Variants in FBN1 observed in about 807,000 individuals in gnomAD.
FBN1 encodes the protein fibrillin 1.
FBN1 carries 29 observed loss-of-function variants against 365.1 expected under a neutral mutation model. That is an observed-to-expected ratio of 0.08 (90% CI 0.06 to 0.11). The LOEUF is 0.11. Ranked by LOEUF, FBN1 falls within the 10% of genes least tolerant of loss-of-function variation. The pLI is 1.00. For synonymous variants in FBN1, 1,210 were observed against 1,270.5 expected (o/e 0.95, Z 1.01); for missense variants, 2,476 against 3,703.2 (o/e 0.67, Z 8.60).
chr15:48,505,212 C>G (rs548819448), intron 15 of FBN1, 65 bp from the exon 16 acceptor site: 3 of 1,596,222 alleles, frequency 1.9e-6, no homozygotes, highest in South Asian at 2.2e-5. Flanking sequence ...AACATGTTGA[C>G]AATTATGTTT....
At chr15:48,554,297 C>A (rs2044163823) in intron 6 of FBN1, among the ~76,000 whole-genome samples, 1 of 152,124 alleles carries the variant, frequency 6.6e-6, no homozygotes, top group Non-Finnish European at 1.5e-5. Flanking sequence ...CTCATTTTTG[C>A]CCTCTTGCTC....
chr15:48,623,383 C>T (rs1446603177), intron 2 of FBN1, among the ~76,000 whole-genome samples: 1 of 152,236 alleles, frequency 6.6e-6, no homozygotes, highest in East Asian at 1.9e-4. Context: ...GATTATTTCA[C>T]TGACATGCCT....
At chr15:48,561,713 G>T (rs1419695520) in intron 6 of FBN1, among the ~76,000 whole-genome samples, 4 of 152,126 alleles carry the variant, frequency 2.6e-5, no homozygotes, top group Admixed American at 1.3e-4. Flanking sequence ...TATGGAAAAA[G>T]TATCTCTAAA....
chr15:48,432,796 A>C, intron 55 of FBN1, 70 bp downstream of exon 55: 2 of 1,588,416 alleles, frequency 1.3e-6, no homozygotes, highest in Non-Finnish European at 1.7e-6. Flanking sequence ...TACTAAGGGA[A>C]GCTTTGAGGG....
At chr15:48,425,967 A>C in intron 58 of FBN1, 103 bp from the exon 59 acceptor site, 1 of 928,814 alleles carries the variant, frequency 1.1e-6, no homozygotes, top group Non-Finnish European at 1.7e-6. Flanking sequence ...GTGTTACTAT[A>C]TTTTGGGCCT....
At chr15:48,631,746 A>G (rs1889993565) in intron 2 of FBN1, among the ~76,000 whole-genome samples, 1 of 152,210 alleles carries the variant, frequency 6.6e-6, no homozygotes, top group Non-Finnish European at 1.5e-5. Context: ...TAAGAATTGT[A>G]GGTGGTCATC....
Position 48,627,537 on chromosome 15 carries a change from T to C in FBN1, c.165-14445A>G, listed in dbSNP as rs1018584955. Among the ~76,000 whole-genome samples, 10 of 152,330 alleles carry C rather than the reference T, an allele frequency of 6.6e-5. No individual in the cohort carries two copies. In the East Asian group the frequency reaches 1.3e-3, roughly 21 times the overall value. ...TGGGTGTGGCTTGTCTTTTGAAAAG[T>C]AGCTCAAAGCAAAACCATCAGGACA... is the stretch of plus-strand genomic sequence containing the variant. On this transcript the variant is annotated intron_variant, in intron 2 of 65. Transcript: ENST00000316623.
intron 6 of FBN1, among the ~76,000 whole-genome samples, chr15:48,564,463 C>G (rs2044245513): frequency 6.6e-6 from 1 of 151,474 alleles, no homozygotes; most frequent in South Asian, 2.1e-4. Context: ...GTTGAAGTTT[C>G]TGGACTCAAT....
At chr15:48,460,591 G>A (rs574125302) in intron 42 of FBN1, among the ~76,000 whole-genome samples, 49 of 152,270 alleles carry the variant, frequency 3.2e-4, no homozygotes, top group Middle Eastern at 3.4e-3. Context: ...TTTACCTGTA[G>A]GAGTTTGGAT....
chr15:48,444,055 G>A lies in FBN1; in HGVS notation c.6037+486C>T, dbSNP rs149982125. On this transcript the variant is annotated intron_variant, in intron 49 of 65. Transcript: ENST00000316623. ...CCATTAAAAACAAACAAACAAAAAGGAATGTAATACTGTAAAATTTGCTGA... is the reference window on the plus strand; with the variant it reads ...CCATTAAAAACAAACAAACAAAAAGAAATGTAATACTGTAAAATTTGCTGA... Among the ~76,000 whole-genome samples the A allele has an allele frequency of 4.2e-3, 642 of 152,118 alleles. 5 individuals carry two copies. Among genetic ancestry groups the A allele is most frequent in the Non-Finnish European group, 6.8e-3 (463 of 67,976 alleles).
intron 4 of FBN1, among the ~76,000 whole-genome samples, chr15:48,606,917 T>C (rs918497642): frequency 1.3e-5 from 2 of 152,010 alleles, no homozygotes; most frequent in African/African-American, 4.8e-5. Context: ...ATCTCAGGAG[T>C]GGGTTGGTCA....
chr15:48,435,517 A>G (rs2043058597), intron 53 of FBN1, among the ~76,000 whole-genome samples: 1 of 152,128 alleles, frequency 6.6e-6, no homozygotes, highest in South Asian at 2.1e-4. Flanking sequence ...AATACATCAA[A>G]TAAAATCAAG....
chr15:48,629,419 A>G (rs1018614817), intron 2 of FBN1, among the ~76,000 whole-genome samples: 2 of 152,246 alleles, frequency 1.3e-5, no homozygotes, highest in African/African-American at 4.8e-5. Context: ...CAAAATATGG[A>G]CTTTTTTGGA....
chr15:48,506,423 G>A (rs1392459833), intron 15 of FBN1, among the ~76,000 whole-genome samples: 1 of 152,190 alleles, frequency 6.6e-6, no homozygotes, highest in Non-Finnish European at 1.5e-5. Flanking sequence ...TGTACAGATT[G>A]TATTTGAAAC....
intron 8 of FBN1, chr15:48,528,907 G>A (rs1015568535): frequency 6.6e-6 from 1 of 152,086 alleles, no homozygotes; most frequent in African/African-American, 2.4e-5. Flanking sequence ...TCTATTACCA[G>A]GCTGTGGTGG....
intron 6 of FBN1, among the ~76,000 whole-genome samples, chr15:48,580,588 G>A (rs1367182765): frequency 1.3e-5 from 2 of 152,112 alleles, no homozygotes; most frequent in Non-Finnish European, 2.9e-5. Context: ...GGAAGGCATG[G>A]GAAAAAAAGA....
At chr15:48,572,865 T>C (rs1036610652) in intron 6 of FBN1, among the ~76,000 whole-genome samples, 1 of 152,212 alleles carries the variant, frequency 6.6e-6, no homozygotes, top group African/African-American at 2.4e-5. Context: ...AGTTTAAATA[T>C]GGTTGTCTTA....
At chr15:48,636,907 G>A (rs1890104552) in intron 2 of FBN1, among the ~76,000 whole-genome samples, 1 of 152,208 alleles carries the variant, frequency 6.6e-6, no homozygotes, top group South Asian at 2.1e-4. Flanking sequence ...TTGTTACGTA[G>A]CAATAAAATA....
chr15:48,611,522 A>T (rs866419868), intron 3 of FBN1, among the ~76,000 whole-genome samples: 1 of 152,190 alleles, frequency 6.6e-6, no homozygotes, highest in African/African-American at 2.4e-5. Context: ...GGCCTCTCAA[A>T]GTGCTGGGAT....
Sources: allele counts gnomAD v4.1 joint callset (sites outside exome capture counted in the v4.1 genomes callset), GRCh38; gene constraint gnomAD v4.1.1; transcripts MANE v1.5; gene names NCBI Gene and HGNC (gene_info 2026-07-23, HGNC 2026-07-21).